DRC9: variants seen among roughly 807,000 people sequenced by gnomAD.
The protein encoded by DRC9 is dynein regulatory complex subunit 9, also known as dynein regulatory complex protein 9.
At chr3:197,946,737 A>G in the DRC9 span, among the ~76,000 whole-genome samples, 1 of 152,228 alleles carries the variant, frequency 6.6e-6, no homozygotes, top group East Asian at 1.9e-4. Flanking sequence ...AAATTTGAAA[A>G]AGTACTTCAG....
chr3:197,915,508 A>G, the DRC9 span, among the ~76,000 whole-genome samples: 2 of 152,254 alleles, frequency 1.3e-5, no homozygotes, highest in South Asian at 2.1e-4. Context: ...GTTTGGGCGG[A>G]ATCAGTGTGT....
the DRC9 span, among the ~76,000 whole-genome samples, chr3:197,941,589 CTCACTCTG>C: frequency 2.3e-5 from 3 of 133,172 alleles, no homozygotes; most frequent in African/African-American, 8.5e-5. Flanking sequence ...TCAACAAGGT[CTCACTCTG>C]TCACCCAGGT....
the DRC9 span, among the ~76,000 whole-genome samples, chr3:197,917,526 G>A: frequency 6.6e-6 from 1 of 152,132 alleles, no homozygotes; most frequent in South Asian, 2.1e-4. Flanking sequence ...CTTACAAGTT[G>A]TAGGATTGCA....
chr3:197,952,544 AAGTGCAATGGCACAATCTC>A, the DRC9 span: 1 of 151,224 alleles, frequency 6.6e-6, no homozygotes, highest in Non-Finnish European at 1.5e-5. Flanking sequence ...ATCCAGGCTA[AAGTGCAATGGCACAATCTC>A]AGCTCACTGT....
chr3:197,934,689 C>T, the DRC9 span, among the ~76,000 whole-genome samples: 13 of 151,788 alleles, frequency 8.6e-5, no homozygotes, highest in Non-Finnish European at 1.6e-4. Context: ...CTGTTTAGGC[C>T]GGGCACAAGA....
At chr3:197,909,579 T>C in the DRC9 span, among the ~76,000 whole-genome samples, 1 of 151,968 alleles carries the variant, frequency 6.6e-6, no homozygotes, top group African/African-American at 2.4e-5. Context: ...ATATTCTGAG[T>C]GTGAGATATA....
the DRC9 span, among the ~76,000 whole-genome samples, chr3:197,902,043 G>A: frequency 1.3e-5 from 2 of 152,150 alleles, no homozygotes; most frequent in African/African-American, 4.8e-5. Flanking sequence ...GAGACTCTGG[G>A]AGAAAGTAAG....
chr3:197,932,211 T>A, the DRC9 span: 2 of 1,613,474 alleles, frequency 1.2e-6, no homozygotes, highest in Non-Finnish European at 1.7e-6. Flanking sequence ...TTGTTTTCCC[T>A]CTCTTTGCTC....
the DRC9 span, among the ~76,000 whole-genome samples, chr3:197,941,710 G>A: frequency 1.1e-4 from 17 of 150,718 alleles, no homozygotes; most frequent in African/African-American, 3.2e-4. Context: ...ACAGGCGTAC[G>A]CCACAATTCC....
At chr3:197,911,098 G>A in the DRC9 span, among the ~76,000 whole-genome samples, 13 of 151,744 alleles carry the variant, frequency 8.6e-5, no homozygotes, top group East Asian at 1.9e-4. Context: ...TAAAACCACC[G>A]TGTCATATAT....
At chr3:197,912,341 A>G in the DRC9 span, 2 of 210,454 alleles carry the variant, frequency 9.5e-6, no homozygotes, top group Non-Finnish European at 1.9e-5. Flanking sequence ...TGCCCAGCCC[A>G]TAAATTTGTA....
At chr3:197,946,415 A>T in the DRC9 span, among the ~76,000 whole-genome samples, 2 of 146,786 alleles carry the variant, frequency 1.4e-5, no homozygotes, top group East Asian at 3.9e-4. Flanking sequence ...AGCCTGGGCG[A>T]CAGAGCGAGA....
the DRC9 span, chr3:197,954,202 TG>T: frequency 6.3e-7 from 1 of 1,592,508 alleles, no homozygotes; most frequent in Non-Finnish European, 8.6e-7. Context: ...AGGTTCAAGG[TG>T]TTGTGCTTTG....
At chr3:197,946,263 G>A in the DRC9 span, among the ~76,000 whole-genome samples, 148 of 151,782 alleles carry the variant, frequency 9.8e-4, 1 homozygote, top group South Asian at 4.2e-3. Flanking sequence ...GTGAAACCCC[G>A]TCTCTACTAA....
chr3:197,922,969 T>A, the DRC9 span, among the ~76,000 whole-genome samples: 5 of 152,132 alleles, frequency 3.3e-5, no homozygotes, highest in Non-Finnish European at 7.4e-5. Context: ...AAGTAGTTTT[T>A]AAAAAATATA....
At chr3:197,923,847 A>G in the DRC9 span, among the ~76,000 whole-genome samples, 2 of 151,968 alleles carry the variant, frequency 1.3e-5, no homozygotes, top group Non-Finnish European at 2.9e-5. Context: ...AGGGAGAAAC[A>G]CTCGAGGCCA....
the DRC9 span, chr3:197,913,699 ATC>A: frequency 1.9e-5 from 13 of 702,144 alleles, no homozygotes; most frequent in Non-Finnish European, 1.8e-5. Flanking sequence ...GCCCACTGGA[ATC>A]TCTGCTTGCG....
At chr3:197,916,615 G>A in the DRC9 span, among the ~76,000 whole-genome samples, 3 of 151,968 alleles carry the variant, frequency 2.0e-5, no homozygotes, top group East Asian at 5.8e-4. Flanking sequence ...GGTCCACCGT[G>A]TCCCCCAGGC....
chr3:197,959,439 C>T, the DRC9 span: 21 of 152,160 alleles, frequency 1.4e-4, no homozygotes, highest in African/African-American at 4.3e-4. Context: ...AAAACACCAC[C>T]CCATCCTCGT....
Sources: allele counts gnomAD v4.1 joint callset (sites outside exome capture counted in the v4.1 genomes callset), GRCh38; gene constraint gnomAD v4.1.1; transcripts MANE v1.5; gene names NCBI Gene and HGNC (gene_info 2026-07-23, HGNC 2026-07-21).